The following INPP4B variants were observed in gnomAD, a reference collection of about 807,000 sequenced individuals.
The protein encoded by INPP4B is inositol polyphosphate-4-phosphatase type II B.
A neutral mutation model predicts 122.5 loss-of-function variants in INPP4B; 55 were observed. That is an observed-to-expected ratio of 0.45 (90% CI 0.36 to 0.56). The LOEUF is 0.56. INPP4B is among the 20% of genes least tolerant of loss of function. INPP4B has a pLI of 0.00. For synonymous variants in INPP4B, 403 were observed against 388.7 expected, an observed-to-expected ratio of 1.04 and a Z score of -0.43; for missense variants, 1,000 against 1,097.7, an observed-to-expected ratio of 0.91 and a Z score of 1.26.
At chr4:142,662,644 C>T (rs1009303813) in intron 2 of INPP4B, among the ~76,000 whole-genome samples, 1 of 152,144 alleles carries the variant, frequency 6.6e-6, no homozygotes, top group Non-Finnish European at 1.5e-5. Context: ...AACTCAGAGG[C>T]ACCAGAGTAT....
chr4:142,813,144 G>T (rs1385770008), intron 1 of INPP4B, among the ~76,000 whole-genome samples: 1 of 152,142 alleles, frequency 6.6e-6, no homozygotes, highest in Non-Finnish European at 1.5e-5. Flanking sequence ...ACCCAGCAAA[G>T]AGACTCATAC....
At chr4:142,667,132 G>T (rs1756228025) in intron 2 of INPP4B, among the ~76,000 whole-genome samples, 2 of 152,142 alleles carry the variant, frequency 1.3e-5, no homozygotes, top group African/African-American at 4.8e-5. Flanking sequence ...TCAGATGAGG[G>T]CATCAGTAAA....
intron 1 of INPP4B, among the ~76,000 whole-genome samples, chr4:142,836,543 A>G (rs1782797325): frequency 6.6e-6 from 1 of 152,146 alleles, no homozygotes; most frequent in Non-Finnish European, 1.5e-5. Context: ...ACGCTTAACT[A>G]TTTTTAAGAA....
intron 4 of INPP4B, among the ~76,000 whole-genome samples, chr4:142,430,220 T>G (rs1434604244): frequency 1.3e-5 from 2 of 152,088 alleles, no homozygotes; most frequent in Non-Finnish European, 2.9e-5. Context: ...TAACTATATT[T>G]TTTCTCCTGC....
At chr4:142,679,098 T>C (rs1307864099) in intron 2 of INPP4B, among the ~76,000 whole-genome samples, 1 of 151,920 alleles carries the variant, frequency 6.6e-6, no homozygotes, top group Non-Finnish European at 1.5e-5. Context: ...CACAATTAGC[T>C]ATCCAGACCC....
At chr4:142,654,273 T>C (rs921140636) in intron 2 of INPP4B, among the ~76,000 whole-genome samples, 5 of 147,206 alleles carry the variant, frequency 3.4e-5, no homozygotes, top group African/African-American at 1.3e-4. Flanking sequence ...CTAATGTAAA[T>C]GACGAGTTGA....
At chr4:142,131,043 C>T (rs1421865091) in intron 18 of INPP4B, among the ~76,000 whole-genome samples, 1 of 152,172 alleles carries the variant, frequency 6.6e-6, no homozygotes, top group South Asian at 2.1e-4. Flanking sequence ...ATCAAACAAG[C>T]CTTGTATTTG....
chr4:142,185,899 A>AAAG (rs1486188625), intron 15 of INPP4B, among the ~76,000 whole-genome samples: 2 of 151,304 alleles, frequency 1.3e-5, no homozygotes, highest in South Asian at 2.1e-4. Context: ...AAAAAAAAAA[A>AAAG]AAGAAGTCCT....
At chr4:142,838,333 G>T (rs1031130247) in intron 1 of INPP4B, among the ~76,000 whole-genome samples, 2 of 148,694 alleles carry the variant, frequency 1.3e-5, no homozygotes, top group Non-Finnish European at 3.0e-5. Flanking sequence ...TGGAGACTTC[G>T]TACATTTATA....
At chr4:142,693,625 C>T (rs905807027) in intron 2 of INPP4B, among the ~76,000 whole-genome samples, 2 of 150,350 alleles carry the variant, frequency 1.3e-5, no homozygotes, top group African/African-American at 4.9e-5. Flanking sequence ...ATAAGCTATA[C>T]CTTTATTTGA....
At chr4:142,604,478 A>G (rs777452682) in intron 2 of INPP4B, among the ~76,000 whole-genome samples, 1 of 152,082 alleles carries the variant, frequency 6.6e-6, no homozygotes, top group Non-Finnish European at 1.5e-5. Context: ...TAGAAAAACC[A>G]AAAGACTCCA....
chr4:142,626,776 C>A (rs1367765347), intron 2 of INPP4B, among the ~76,000 whole-genome samples: 1 of 152,018 alleles, frequency 6.6e-6, no homozygotes, highest in African/African-American at 2.4e-5. Flanking sequence ...AAAATCCTAA[C>A]TAGCTCCACC....
At chr4:142,628,711 C>T (rs550884612) in intron 2 of INPP4B, among the ~76,000 whole-genome samples, 2 of 152,010 alleles carry the variant, frequency 1.3e-5, no homozygotes, top group East Asian at 3.9e-4. Flanking sequence ...TATGGCCCCA[C>T]AATATTACAG....
Position 142,566,675 on chromosome 4 carries a change from T to C in INPP4B, c.-190-103949A>G, listed in dbSNP as rs113388903. ...AGAGAATATGTAACTTGTCCAGTGT[T>C]ACAAAGCCAGTAAAAGGCACAATCA... On this transcript the variant is annotated intron_variant, in intron 2 of 25. Transcript: ENST00000262992. Among the ~76,000 whole-genome samples the C allele has an allele frequency of 4.8e-3, 732 of 152,298 alleles. 10 individuals are homozygous for C. The highest frequency in any genetic ancestry group is 0.017 in the African/African-American group (689 of 41,574).
chr4:142,388,447 GC>G (rs1561988653), intron 7 of INPP4B, among the ~76,000 whole-genome samples: 1 of 151,260 alleles, frequency 6.6e-6, no homozygotes, highest in Non-Finnish European at 1.5e-5. Flanking sequence ...CACTCTTAAT[GC>G]ACACATGAGA....
intron 12 of INPP4B, among the ~76,000 whole-genome samples, chr4:142,233,468 G>C (rs553680251): frequency 6.6e-6 from 1 of 152,270 alleles, no homozygotes; most frequent in East Asian, 1.9e-4. Flanking sequence ...TTTTTGCTTA[G>C]TGGTTCTTCC....
intron 2 of INPP4B, among the ~76,000 whole-genome samples, chr4:142,652,484 C>A (rs1314824515): frequency 1.3e-5 from 2 of 152,080 alleles, no homozygotes; most frequent in Non-Finnish European, 1.5e-5. Flanking sequence ...TCAACTCAGC[C>A]CAAAATCTCC....
chr4:142,209,302 A>G (rs1181962773), intron 12 of INPP4B, among the ~76,000 whole-genome samples: 2 of 152,176 alleles, frequency 1.3e-5, no homozygotes, highest in East Asian at 3.9e-4. Flanking sequence ...CAGACTTCCT[A>G]TTCTTATATA....
chr4:142,482,303 G>A (rs1423849051), intron 2 of INPP4B, among the ~76,000 whole-genome samples: 1 of 152,064 alleles, frequency 6.6e-6, no homozygotes, highest in Non-Finnish European at 1.5e-5. Flanking sequence ...GCCCATAACA[G>A]TGAACTCTGC....
Sources: allele counts gnomAD v4.1 joint callset (sites outside exome capture counted in the v4.1 genomes callset), GRCh38; gene constraint gnomAD v4.1.1; transcripts MANE v1.5; gene names NCBI Gene and HGNC (gene_info 2026-07-23, HGNC 2026-07-21).